CHSY3: variants seen among roughly 807,000 people sequenced by gnomAD.
CHSY3 encodes chondroitin sulfate synthase 3, also known as N-acetylgalactosaminyl-proteoglycan 3-beta-glucuronosyltransferase 3.
Under a neutral mutation model 67.2 loss-of-function variants are expected in CHSY3, and 35 were observed. That is an observed-to-expected ratio of 0.52 (90% CI 0.40 to 0.69). CHSY3 has a LOEUF of 0.69. Ranked by LOEUF, CHSY3 falls within the 30% of genes least tolerant of loss-of-function variation. The pLI is 0.00. For synonymous variants in CHSY3, 474 were observed against 434.7 expected (o/e 1.09, Z -1.12); for missense variants, 1,069 against 1,138.5 (o/e 0.94, Z 0.88).
At chr5:130,050,737 G>A (rs1463248542) in intron 2 of CHSY3, among the ~76,000 whole-genome samples, 2 of 152,098 alleles carry the variant, frequency 1.3e-5, no homozygotes, top group Non-Finnish European at 2.9e-5. Context: ...CTATGTAAAT[G>A]TACTCATCTT....
chr5:130,050,508 TA>T (rs931783397), intron 2 of CHSY3, among the ~76,000 whole-genome samples: 1 of 152,104 alleles, frequency 6.6e-6, no homozygotes, highest in Non-Finnish European at 1.5e-5. Flanking sequence ...AAAGAAATAA[TA>T]ATTTTGTCTA....
chr5:129,940,162 G>C (rs949717181), intron 2 of CHSY3, among the ~76,000 whole-genome samples: 4 of 151,948 alleles, frequency 2.6e-5, no homozygotes, highest in African/African-American at 9.7e-5. Flanking sequence ...ACCATGCAGT[G>C]TCTCTACACA....
chr5:130,033,713 G>C (rs888676622), intron 2 of CHSY3, among the ~76,000 whole-genome samples: 1 of 152,076 alleles, frequency 6.6e-6, no homozygotes, highest in Non-Finnish European at 1.5e-5. Context: ...TTGTGCCTAG[G>C]CTGCCCAAAC....
At chr5:130,177,223 G>A (rs1466617855) in intron 2 of CHSY3, among the ~76,000 whole-genome samples, 1 of 151,048 alleles carries the variant, frequency 6.6e-6, no homozygotes, top group Non-Finnish European at 1.5e-5. Context: ...ATATATATGT[G>A]TGTGTGTGTG....
At position 129,908,361 on chromosome 5, in the gene CHSY3, G is replaced by A; in HGVS notation, c.1086+1G>A. On this transcript the variant is annotated splice_donor_variant, in intron 2 of 2. Coordinates refer to ENST00000305031, the MANE Select transcript of CHSY3 (RefSeq NM_175856.5). LOFTEE classifies it high-confidence loss of function. ...GACTCAGTGTGTCTGGTCTTACGAG[G>A]TAAGCATGGAGCTGTGATGAAAATG... is the stretch of plus-strand genomic sequence containing the variant. 6.2e-7 allele frequency: 1 copy of A among 1,613,732 alleles called. No homozygotes were observed. Among genetic ancestry groups the A allele is most frequent in the Non-Finnish European group, 8.5e-7 (1 of 1,179,682 alleles).
chr5:129,990,254 G>A (rs1161461450), intron 2 of CHSY3, among the ~76,000 whole-genome samples: 1 of 152,040 alleles, frequency 6.6e-6, no homozygotes, highest in Non-Finnish European at 1.5e-5. Context: ...GATAGGATTA[G>A]AAAATGTTTT....
chr5:129,929,553 C>T (rs1581376156), intron 2 of CHSY3, among the ~76,000 whole-genome samples: 2 of 151,920 alleles, frequency 1.3e-5, no homozygotes, highest in East Asian at 3.9e-4. Flanking sequence ...GTTCCTTGTT[C>T]TGGTGATTAG....
chr5:129,905,805 C>T, intron 1 of CHSY3, 174 bp downstream of exon 1: 9 of 1,352,716 alleles, frequency 6.7e-6, no homozygotes, highest in Admixed American at 2.9e-5. Flanking sequence ...ATTCGTAGCC[C>T]GTTCCTCGTC....
chr5:130,003,800 T>C (rs1038097238), intron 2 of CHSY3, among the ~76,000 whole-genome samples: 4 of 152,200 alleles, frequency 2.6e-5, no homozygotes, highest in Admixed American at 2.0e-4. Flanking sequence ...GCCAAGTTGG[T>C]TTAAGCACCT....
intron 2 of CHSY3, among the ~76,000 whole-genome samples, chr5:130,165,175 C>G (rs1009684500): frequency 5.9e-5 from 9 of 152,094 alleles, no homozygotes; most frequent in African/African-American, 1.9e-4. Context: ...CATGTTGCAT[C>G]ATGGAGAACT....
chr5:129,999,732 T>G (rs1232057613), intron 2 of CHSY3, among the ~76,000 whole-genome samples: 1 of 152,176 alleles, frequency 6.6e-6, no homozygotes, highest in Non-Finnish European at 1.5e-5. Flanking sequence ...GTTTGAGTAA[T>G]TTCCCTTACT....
intron 2 of CHSY3, among the ~76,000 whole-genome samples, chr5:130,128,671 A>G (rs1480237088): frequency 6.6e-6 from 1 of 152,152 alleles, no homozygotes; most frequent in Non-Finnish European, 1.5e-5. Context: ...TTCTTAACAC[A>G]AAAAATGATA....
chr5:130,007,022 A>T (rs1763897210), intron 2 of CHSY3, among the ~76,000 whole-genome samples: 1 of 152,170 alleles, frequency 6.6e-6, no homozygotes, highest in African/African-American at 2.4e-5. Context: ...TCTAAAAAGC[A>T]CTTAGGTGAT....
In CHSY3 at chr5:129,938,594, T is replaced by G. The variant is rs369515893; in HGVS notation, c.1086+30234T>G. On this transcript the variant is annotated intron_variant, in intron 2 of 2. Coordinates refer to ENST00000305031, the MANE Select transcript of CHSY3 (RefSeq NM_175856.5). ...GAACACTCTGCTGTGTAGAAATTTC[T>G]TCTGCCAGATATCCTAAATTTTCTC... is the stretch of plus-strand genomic sequence containing the variant. Among the ~76,000 whole-genome samples, 21 of 152,336 alleles carry G rather than the reference T, an allele frequency of 1.4e-4. No individual in the cohort carries two copies. In the East Asian group the frequency reaches 1.5e-3, roughly 11 times the overall value.
chr5:130,054,590 C>T (rs2149673219), intron 2 of CHSY3, among the ~76,000 whole-genome samples: 1 of 152,260 alleles, frequency 6.6e-6, no homozygotes, highest in Non-Finnish European at 1.5e-5. Context: ...TGTGACTTCT[C>T]ATTTCTGTGC....
At chr5:130,033,533 A>G (rs1431401617) in intron 2 of CHSY3, among the ~76,000 whole-genome samples, 2 of 152,186 alleles carry the variant, frequency 1.3e-5, no homozygotes, top group Non-Finnish European at 2.9e-5. Flanking sequence ...GATGATATTG[A>G]TGTGTTTTAT....
At chr5:129,943,694 A>C (rs1761763741) in intron 2 of CHSY3, among the ~76,000 whole-genome samples, 1 of 152,240 alleles carries the variant, frequency 6.6e-6, no homozygotes, top group Non-Finnish European at 1.5e-5. Flanking sequence ...GACAGGTACC[A>C]GATCTAATTC....
chr5:129,904,751 G>C lies in CHSY3; in HGVS notation c.-79G>C, dbSNP rs899195792. 2 of 1,246,414 alleles carry C rather than the reference G, an allele frequency of 1.6e-6. No individual in the cohort carries two copies. The highest frequency in any genetic ancestry group is 2.0e-6 in the Non-Finnish European group (2 of 997,264). The allele number at this position is 1,246,414 out of a possible 1,614,324, so 77.2% of individuals were successfully genotyped here. A position where few individuals can be genotyped will look rare whatever the true frequency, so the allele number is the denominator to read the frequency against. ...CCGCGGCTGGGGGCGCAAAGGCGGA[G>C]GAGGGGCGGGTGTGAGCCGGGGAAA... On this transcript the variant is annotated 5_prime_UTR_variant, in exon 1 of 3. Transcript: ENST00000305031.
At position 130,184,976 on chromosome 5, in the gene CHSY3, G is replaced by A; in HGVS notation, c.1834G>A (p.Glu612Lys). Residue 612 changes from glutamate (E) to lysine (K), a missense_variant, in exon 3 of 3, where the codon GAA (glutamate) becomes AAA (lysine). This residue lies in a region of CHSY3 where 401 missense variants were observed against 395.2 expected (regional missense o/e 1.01). Coordinates refer to ENST00000305031, the MANE Select transcript of CHSY3 (RefSeq NM_175856.5). ...KILSSFQGAK[E>K]MGGHNEKKVH... ...ATTATCTTCTTTTCAAGGTGCCAAA[G>A]AAATGGGAGGGCACAATGAAAAGAA... 6.4e-7 allele frequency: 1 copy of A among 1,561,604 alleles called. No individual in the cohort carries two copies. The highest frequency in any genetic ancestry group is 1.1e-5 in the South Asian group (1 of 90,012).
Sources: gnomAD v4.1 joint callset for allele counts (sites outside exome capture counted in the v4.1 genomes callset) on GRCh38, gnomAD v4.1.1 for gene constraint, gnomAD v4.1.1 regional missense constraint, MANE v1.5 for transcripts, NCBI Gene and HGNC (gene_info 2026-07-23, HGNC 2026-07-21) for gene names.